Variants in CLEC16A observed in about 807,000 individuals in gnomAD.
The protein encoded by CLEC16A is C-type lectin domain containing 16A.
A neutral mutation model predicts 109.5 loss-of-function variants in CLEC16A; 51 were observed. The ratio of observed to expected loss-of-function variants is 0.47; its 90% CI spans 0.37 to 0.59. The LOEUF is 0.59. CLEC16A is among the 20% of genes least tolerant of loss of function. CLEC16A has a pLI of 0.00. For synonymous variants in CLEC16A, 673 were observed against 564.2 expected (o/e 1.19, Z -2.73); for missense variants, 1,339 against 1,394.0 (o/e 0.96, Z 0.63).
rs1165935955 is a variant in CLEC16A at position 11,067,200 on chromosome 16, T to G, written c.2116+6178T>G. On this transcript the variant is annotated intron_variant, in intron 19 of 23. Transcript: ENST00000409790. Reference sequence around the variant, plus strand: ...TTTTGTTTGTTTTTGTTTTTTTTTTTTTTTTTTTTTAAAAAAAGCAAGTGC... The same window carrying G: ...TTTTGTTTGTTTTTGTTTTTTTTTTGTTTTTTTTTTAAAAAAAGCAAGTGC... Among the ~76,000 whole-genome samples, 450 of 148,454 alleles carry G rather than the reference T, an allele frequency of 3.0e-3. 2 individuals carry two copies. Among genetic ancestry groups the G allele is most frequent in the African/African-American group, 0.01 (424 of 40,514 alleles).
intron 23 of CLEC16A, among the ~76,000 whole-genome samples, chr16:11,177,103 C>G (rs1346847330): frequency 6.6e-6 from 1 of 152,208 alleles, no homozygotes; most frequent in African/African-American, 2.4e-5. Flanking sequence ...CAGCACCTCC[C>G]GCCATGGCTT....
intron 11 of CLEC16A, among the ~76,000 whole-genome samples, chr16:11,016,233 T>C (rs1486121217): frequency 1.3e-5 from 2 of 152,090 alleles, no homozygotes; most frequent in African/African-American, 4.8e-5. Context: ...GCCAAGGTAG[T>C]TGGAGGACAC....
intron 13 of CLEC16A, among the ~76,000 whole-genome samples, chr16:11,032,039 G>A (rs1454726381): frequency 6.6e-6 from 1 of 152,218 alleles, no homozygotes; most frequent in Non-Finnish European, 1.5e-5. Flanking sequence ...GGACAGAAAA[G>A]TCCTACGAGG....
chr16:11,044,568 T>G (rs1019712277), intron 16 of CLEC16A, among the ~76,000 whole-genome samples: 1 of 152,212 alleles, frequency 6.6e-6, no homozygotes, highest in Non-Finnish European at 1.5e-5. Flanking sequence ...TTTTGTAAAG[T>G]GCCACCATGA....
intron 19 of CLEC16A, among the ~76,000 whole-genome samples, chr16:11,085,847 C>G (rs1415003696): frequency 5.9e-5 from 9 of 152,210 alleles, no homozygotes; most frequent in Admixed American, 5.9e-4. Flanking sequence ...CCACCTCAGC[C>G]TTCCAGAGAG....
intron 11 of CLEC16A, among the ~76,000 whole-genome samples, chr16:11,006,135 G>A (rs2044992833): frequency 6.6e-6 from 1 of 152,164 alleles, no homozygotes; most frequent in African/African-American, 2.4e-5. Context: ...AGCAAGTGGA[G>A]AGGGGGCTTC....
intron 10 of CLEC16A, among the ~76,000 whole-genome samples, chr16:11,000,094 T>C (rs960029013): frequency 6.6e-6 from 1 of 152,194 alleles, no homozygotes; most frequent in Admixed American, 6.5e-5. Flanking sequence ...TGCCTGGGCC[T>C]CCCAAAGTGC....
intron 13 of CLEC16A, among the ~76,000 whole-genome samples, chr16:11,028,032 C>G (rs959206721): frequency 1.3e-5 from 2 of 152,164 alleles, no homozygotes; most frequent in East Asian, 1.9e-4. Context: ...GAAATGCCAT[C>G]TCTACTAAAA....
chr16:11,156,831 C>T, intron 22 of CLEC16A: 1 of 480,602 alleles, frequency 2.1e-6, no homozygotes, highest in South Asian at 1.8e-5. Context: ...ACCTGTGTCC[C>T]CCATGTGCCA....
chr16:11,124,958 A>C lies in CLEC16A; in HGVS notation c.2473+1012A>C, dbSNP rs577381999. Reference sequence around the variant, plus strand: ...ACAAAAATGAGCCAGGCGTGGTGGCATACGCCTGTAGTCCCAGCTATTCGG... The same window carrying C: ...ACAAAAATGAGCCAGGCGTGGTGGCCTACGCCTGTAGTCCCAGCTATTCGG... On this transcript the variant is annotated intron_variant, in intron 21 of 23. Transcript: ENST00000409790. Among the ~76,000 whole-genome samples the C allele has an allele frequency of 3.3e-5, 5 of 152,252 alleles. No homozygotes were observed. The South Asian group carries it at 6.2e-4, about 19-fold the overall frequency.
At chr16:11,039,311 AT>A (rs2047191435) in intron 13 of CLEC16A, among the ~76,000 whole-genome samples, 1 of 152,172 alleles carries the variant, frequency 6.6e-6, no homozygotes. Flanking sequence ...ATGCAAAAAC[AT>A]TTTTTGATTT....
At chr16:11,000,197 A>G (rs1300261507) in intron 10 of CLEC16A, among the ~76,000 whole-genome samples, 1 of 152,068 alleles carries the variant, frequency 6.6e-6, no homozygotes, top group Non-Finnish European at 1.5e-5. Context: ...ATTACTCTCC[A>G]TGTTTTAGAA....
intron 19 of CLEC16A, among the ~76,000 whole-genome samples, chr16:11,092,254 G>C (rs1185928164): frequency 6.6e-6 from 1 of 152,100 alleles, no homozygotes. Context: ...TGAGGTGGGA[G>C]GATCGCTTGA....
chr16:10,964,654 C>T (rs1044196988), intron 3 of CLEC16A, among the ~76,000 whole-genome samples: 2 of 152,222 alleles, frequency 1.3e-5, no homozygotes, highest in African/African-American at 4.8e-5. Context: ...CAAAGTCCAG[C>T]TAGGCACGGG....
chr16:11,173,781 G>A (rs575744536), intron 23 of CLEC16A, among the ~76,000 whole-genome samples: 1 of 152,282 alleles, frequency 6.6e-6, no homozygotes, highest in African/African-American at 2.4e-5. Context: ...GTCTAAAACT[G>A]ACAGGTGATT....
At chr16:11,082,051 C>T (rs1241543277) in intron 19 of CLEC16A, among the ~76,000 whole-genome samples, 2 of 152,064 alleles carry the variant, frequency 1.3e-5, no homozygotes, top group African/African-American at 4.8e-5. Flanking sequence ...AGAATATTGT[C>T]GACTGTGATG....
At chr16:11,081,466 G>A (rs1201966246) in intron 19 of CLEC16A, among the ~76,000 whole-genome samples, 1 of 152,096 alleles carries the variant, frequency 6.6e-6, no homozygotes, top group African/African-American at 2.4e-5. Flanking sequence ...GCGCCTCCAG[G>A]TAGGGCTCCT....
intron 10 of CLEC16A, among the ~76,000 whole-genome samples, chr16:10,997,573 G>C (rs960311187): frequency 3.9e-5 from 6 of 152,176 alleles, no homozygotes; most frequent in African/African-American, 1.4e-4. Context: ...TGGCATTAAT[G>C]CGTTTTGTAA....
intron 19 of CLEC16A, among the ~76,000 whole-genome samples, chr16:11,091,503 C>G (rs532817280): frequency 5.3e-5 from 8 of 152,314 alleles, no homozygotes; most frequent in Admixed American, 5.2e-4. Context: ...AGGCCTCCCC[C>G]ACCTCTGCAG....
Sources: allele counts gnomAD v4.1 joint callset (sites outside exome capture counted in the v4.1 genomes callset), GRCh38; gene constraint gnomAD v4.1.1; transcripts MANE v1.5; gene names NCBI Gene and HGNC (gene_info 2026-07-23, HGNC 2026-07-21).